NFAT5: variants seen among roughly 807,000 people sequenced by gnomAD.
NFAT5 encodes nuclear factor of activated T-cells 5.
In NFAT5, 31 loss-of-function variants were observed where a neutral mutation model predicts 166.5. The ratio of observed to expected loss-of-function variants is 0.19; its 90% CI spans 0.14 to 0.25. The LOEUF (loss-of-function observed/expected upper bound fraction) is 0.25. Ranked by LOEUF, NFAT5 falls within the 10% of genes least tolerant of loss-of-function variation. NFAT5 has a pLI of 1.00. For missense variants in NFAT5, 1,449 were observed against 1,821.8 expected (o/e 0.80, Z 3.72); for synonymous variants, 612 against 639.7 (o/e 0.96, Z 0.65).
At chr16:69,595,188 A>G (rs547507686) in intron 2 of NFAT5, among the ~76,000 whole-genome samples, 1 of 152,332 alleles carries the variant, frequency 6.6e-6, no homozygotes, top group East Asian at 1.9e-4. Context: ...ATTAATAAAT[A>G]GAACAATACA....
At chr16:69,688,218 AAAAAAAAAC>A (rs2037403099) in intron 11 of NFAT5, among the ~76,000 whole-genome samples, 1 of 126,256 alleles carries the variant, frequency 7.9e-6, no homozygotes, top group African/African-American at 3.0e-5. Context: ...AAAAAAAAAA[AAAAAAAAAC>A]CAGGAGTTTG....
At chr16:69,681,956 A>T (rs1002350882) in intron 10 of NFAT5, among the ~76,000 whole-genome samples, 2 of 150,798 alleles carry the variant, frequency 1.3e-5, no homozygotes, top group African/African-American at 4.9e-5. Flanking sequence ...AAATCTAGGG[A>T]TCCTGGGTGC....
intron 2 of NFAT5, among the ~76,000 whole-genome samples, chr16:69,571,336 A>AC (rs1472934108): frequency 5.3e-5 from 8 of 151,868 alleles, no homozygotes; most frequent in African/African-American, 1.9e-4. Context: ...AAACAAACAA[A>AC]ATAAGAACTC....
Position 69,685,003 on chromosome 16 carries a change from T to G in NFAT5, c.1774+33T>G. 4 of 1,471,740 alleles carry G rather than the reference T, an allele frequency of 2.7e-6. 1 individual carries two copies. The South Asian group carries it at 4.7e-5, about 17-fold the overall frequency. The allele number at this position is 1,471,740 out of a possible 1,614,324, so 91.2% of individuals were successfully genotyped here. On this transcript the variant is annotated intron_variant, in intron 11 of 14. Coordinates refer to ENST00000349945, the MANE Select transcript of NFAT5 (RefSeq NM_138713.4). ...GTAAATTCTTCTCAAAAATCGTAAT[T>G]GGGTGCTCCTGTATGTTTTCTCTAG...
At position 69,652,325 on chromosome 16, in the gene NFAT5, G is replaced by A. The variant is rs146151396; in HGVS notation, c.813-911G>A. Among the ~76,000 whole-genome samples, 277 of 151,966 alleles carry A rather than the reference G, an allele frequency of 1.8e-3. 2 individuals are homozygous for A. The highest frequency in any genetic ancestry group is 6.3e-3 in the African/African-American group (260 of 41,476). ...AAATTAGCTGGGCTTGGTGGCACAC[G>A]CCTGTAATCCCAGCTACTTGGGAGG... On this transcript the variant is annotated intron_variant, in intron 4 of 14. Transcript: ENST00000349945.
intron 2 of NFAT5, among the ~76,000 whole-genome samples, chr16:69,595,591 C>A (rs968137004): frequency 6.6e-6 from 1 of 152,202 alleles, no homozygotes; most frequent in South Asian, 2.1e-4. Flanking sequence ...GGTGTGGCAG[C>A]AAAACTAGCA....
intron 2 of NFAT5, among the ~76,000 whole-genome samples, chr16:69,593,804 G>A (rs1431057972): frequency 1.3e-5 from 2 of 152,124 alleles, no homozygotes; most frequent in Non-Finnish European, 2.9e-5. Context: ...AAGAATATAA[G>A]CTTATCAGAA....
rs376194958 is a variant in NFAT5, at chr16:69,693,910, C to T, written c.4085C>T (p.Ser1362Leu). 2.2e-5 allele frequency: 35 copies of T among 1,614,190 alleles called. No individual in the cohort carries two copies. The highest frequency in any genetic ancestry group is 1.2e-4 in the African/African-American group (9 of 75,058). ...CTTCAGAACCCAGGTCCTACCCAGT[C>T]GGAATCATCACAGACCCCCTTGTTC... ...SSLQNPGPTQ[S>L]ESSQTPLFHS... Residue 1362 changes from serine to leucine, a missense_variant, in exon 13 of 15, where the codon TCG becomes TTG. By Grantham distance (145) the Ser-to-Leu change is moderately radical (BLOSUM62 -2). Coordinates refer to ENST00000349945, the MANE Select transcript of NFAT5 (RefSeq NM_138713.4).
intron 3 of NFAT5, among the ~76,000 whole-genome samples, chr16:69,635,419 A>G (rs1371321986): frequency 6.6e-6 from 1 of 151,846 alleles, no homozygotes; most frequent in African/African-American, 2.4e-5. Flanking sequence ...TCTTATTTTG[A>G]AGTTTCGCAC....
intron 2 of NFAT5, among the ~76,000 whole-genome samples, chr16:69,579,970 A>G (rs956671211): frequency 2.6e-5 from 4 of 152,212 alleles, no homozygotes; most frequent in African/African-American, 9.6e-5. Context: ...AGTAAGTGCT[A>G]TATGAGTGCT....
intron 2 of NFAT5, among the ~76,000 whole-genome samples, chr16:69,588,228 G>A (rs1043783446): frequency 6.6e-6 from 1 of 152,048 alleles, no homozygotes; most frequent in Admixed American, 6.6e-5. Flanking sequence ...GGAATTACAG[G>A]CCTGAGCCTC....
chr16:69,602,567 T>A (rs1018530812), intron 2 of NFAT5, among the ~76,000 whole-genome samples: 1 of 150,954 alleles, frequency 6.6e-6, no homozygotes, highest in Non-Finnish European at 1.5e-5. Flanking sequence ...GTGCCCAGAC[T>A]TTTTCTTTCT....
chr16:69,693,271 TTCC>T lies in NFAT5; in HGVS notation c.3449_3451del (p.Pro1150del), dbSNP rs1567615502. ...ATTGCTGTGTTACAGGGCTCTTCAGTTCCTCAAGACCAGCAGTCAACCAACATA... is the reference window on the plus strand; with the variant it reads ...ATTGCTGTGTTACAGGGCTCTTCAGTTCAAGACCAGCAGTCAACCAACATA... On this transcript the variant is annotated inframe_deletion, in exon 13 of 15. Transcript: ENST00000349945. 6.2e-7 allele frequency: 1 copy of T among 1,614,130 alleles called. No homozygotes were observed. Among genetic ancestry groups the T allele is most frequent in the Non-Finnish European group, 8.5e-7 (1 of 1,179,974 alleles).
At position 69,700,952 on chromosome 16, in the gene NFAT5, CT is replaced by C. The variant is rs34890522; in HGVS notation, c.*4614del. 8.0e-3 allele frequency: 1,164 copies of C among 144,644 alleles called. 12 individuals are homozygous for C. The highest frequency in any genetic ancestry group is 0.024 in the African/African-American group (946 of 39,506). The allele number at this position is 144,644 out of a possible 1,614,324, so 9.0% of individuals were successfully genotyped here. A position where few individuals can be genotyped will look rare whatever the true frequency, so the allele number is the denominator to read the frequency against. On this transcript the variant is annotated 3_prime_UTR_variant, in exon 15 of 15. Transcript: ENST00000349945. ...TCCCAGTGCTCTAGTTACTTTACTT[CT>C]TTTTTTTTTTTTGAGATGGAGTCTT...
intron 9 of NFAT5, among the ~76,000 whole-genome samples, chr16:69,672,937 C>G (rs573104750): frequency 6.6e-6 from 1 of 152,116 alleles, no homozygotes; most frequent in African/African-American, 2.4e-5. Context: ...TGACATAGCC[C>G]CAACAAATTG....
At chr16:69,685,570 A>G in intron 11 of NFAT5, 1 of 152,396 alleles carries the variant, frequency 6.6e-6, no homozygotes. Flanking sequence ...AAGTGAAATA[A>G]GGCCAGGCAC....
At chr16:69,569,963 T>C (rs996688726) in intron 2 of NFAT5, among the ~76,000 whole-genome samples, 2 of 152,194 alleles carry the variant, frequency 1.3e-5, no homozygotes, top group African/African-American at 4.8e-5. Flanking sequence ...TAGAGACATA[T>C]TTGTCTGTAC....
At chr16:69,631,766 C>T (rs1041246177) in intron 3 of NFAT5, among the ~76,000 whole-genome samples, 1 of 152,010 alleles carries the variant, frequency 6.6e-6, no homozygotes, top group African/African-American at 2.4e-5. Context: ...ACTGGGACTA[C>T]AGGTGTGTGC....
At chr16:69,691,113 A>G in intron 12 of NFAT5, 25 bp downstream of exon 12, 4 of 1,492,726 alleles carry the variant, frequency 2.7e-6, no homozygotes, top group Non-Finnish European at 3.6e-6. Context: ...CTAGTGCACA[A>G]ACCTCCTATA....
Sources: gnomAD v4.1 joint callset for allele counts (sites outside exome capture counted in the v4.1 genomes callset) on GRCh38, gnomAD v4.1.1 for gene constraint, MANE v1.5 for transcripts, NCBI Gene and HGNC (gene_info 2026-07-23, HGNC 2026-07-21) for gene names.